The following ACOXL variants were observed in gnomAD, a reference collection of about 807,000 sequenced individuals.
ACOXL encodes the protein acyl-CoA oxidase like.
Under a neutral mutation model 71.9 loss-of-function variants are expected in ACOXL, and 70 were observed. That is an observed-to-expected ratio of 0.97 (90% CI 0.80 to 1.19). The LOEUF (loss-of-function observed/expected upper bound fraction) is 1.19, where lower values mean the gene tolerates loss of function less well. Among genes scored for constraint, ACOXL ranks in the 50% most tolerant of loss-of-function variants. The pLI, the probability that ACOXL is intolerant of heterozygous loss-of-function variation, is 0.00. For missense variants in ACOXL, 703 were observed against 736.3 expected (o/e 0.95, Z 0.52); for synonymous variants, 253 against 281.6 (o/e 0.90, Z 1.02).
intron 10 of ACOXL, among the ~76,000 whole-genome samples, chr2:110,851,915 G>A (rs913891314): frequency 4.6e-5 from 7 of 152,334 alleles, no homozygotes; most frequent in Admixed American, 2.0e-4. Context: ...GAACATAGCC[G>A]GGGTCACTCC....
intron 10 of ACOXL, among the ~76,000 whole-genome samples, chr2:110,892,908 T>C (rs1314219119): frequency 6.6e-6 from 1 of 152,192 alleles, no homozygotes; most frequent in Non-Finnish European, 1.5e-5. Context: ...TTCATAGATC[T>C]TTCTTGGATC....
chr2:110,737,636 A>G (rs775122687), intron 1 of ACOXL, among the ~76,000 whole-genome samples: 18 of 152,200 alleles, frequency 1.2e-4, no homozygotes, highest in Non-Finnish European at 2.2e-4. Context: ...AACAGAACAG[A>G]TACAACAGAT....
intron 11 of ACOXL, among the ~76,000 whole-genome samples, chr2:110,912,589 A>G (rs1473607256): frequency 6.6e-6 from 1 of 152,162 alleles, no homozygotes; most frequent in African/African-American, 2.4e-5. Context: ...TTGGACCCCT[A>G]TACAGCAGTT....
intron 17 of ACOXL, among the ~76,000 whole-genome samples, chr2:111,113,698 C>G (rs2150087441): frequency 6.6e-6 from 1 of 152,334 alleles, no homozygotes; most frequent in Non-Finnish European, 1.5e-5. Context: ...GCCAGAATGC[C>G]AGTTATGTGT....
intron 1 of ACOXL, among the ~76,000 whole-genome samples, chr2:110,739,647 C>T (rs1677271322): frequency 6.6e-6 from 1 of 152,232 alleles, no homozygotes; most frequent in Non-Finnish European, 1.5e-5. Context: ...GCCACCCTCT[C>T]CTAACAGTAA....
chr2:110,823,001 C>G (rs1374578720), intron 9 of ACOXL, among the ~76,000 whole-genome samples: 1 of 152,046 alleles, frequency 6.6e-6, no homozygotes, highest in South Asian at 2.1e-4. Flanking sequence ...ACCTGTACAC[C>G]CAGCACTTTG....
intron 10 of ACOXL, among the ~76,000 whole-genome samples, chr2:110,861,872 C>T (rs1257020101): frequency 1.3e-5 from 2 of 152,180 alleles, no homozygotes; most frequent in African/African-American, 4.8e-5. Flanking sequence ...GTCAAAGCCT[C>T]TGAACGGCTC....
intron 12 of ACOXL, among the ~76,000 whole-genome samples, chr2:110,964,039 A>T (rs1054490041): frequency 4.6e-5 from 7 of 152,244 alleles, no homozygotes; most frequent in Admixed American, 3.3e-4. Flanking sequence ...AAGAACGGCA[A>T]TGGATCAGCC....
chr2:110,960,697 G>GT (rs70958751), intron 12 of ACOXL, among the ~76,000 whole-genome samples: 2,832 of 142,956 alleles, frequency 0.02, 48 homozygotes, highest in African/African-American at 0.042. Flanking sequence ...AATTTTCTGG[G>GT]TTTTTTTTTT....
At chr2:110,735,780 G>A (rs1401705498) in intron 1 of ACOXL, among the ~76,000 whole-genome samples, 1 of 152,140 alleles carries the variant, frequency 6.6e-6, no homozygotes, top group Non-Finnish European at 1.5e-5. Context: ...GGTGACTGGC[G>A]GCTCCTCATT....
rs76753259 is a variant in ACOXL, at chr2:111,034,159, C to T, written c.1369+2445C>T. ...AACCCTCTCTGAGCTTCAGTTTCTT[C>T]CTCATTTATAAAATGTAGAGAGCAT... is the stretch of plus-strand genomic sequence containing the variant. On this transcript the variant is annotated intron_variant, in intron 15 of 17. Coordinates refer to ENST00000439055, the MANE Select transcript of ACOXL (RefSeq NM_001142807.4). 2.7e-3 allele frequency among the ~76,000 whole-genome samples: 409 copies of T among 152,270 alleles called. 1 individual carries two copies. The highest frequency in any genetic ancestry group is 0.017 in the Middle Eastern group (5 of 292).
chr2:110,890,995 A>T (rs1259188815), intron 10 of ACOXL, among the ~76,000 whole-genome samples: 2 of 152,038 alleles, frequency 1.3e-5, no homozygotes, highest in East Asian at 3.9e-4. Context: ...CAAGTGTTAT[A>T]TTTCTTTTGT....
At chr2:111,017,623 G>A (rs1424323451) in intron 14 of ACOXL, among the ~76,000 whole-genome samples, 3 of 152,286 alleles carry the variant, frequency 2.0e-5, no homozygotes, top group South Asian at 2.1e-4. Flanking sequence ...ATTCATCCCC[G>A]TCAACGCCTT....
At chr2:110,749,923 A>G (rs1266352651) in intron 1 of ACOXL, among the ~76,000 whole-genome samples, 2 of 152,052 alleles carry the variant, frequency 1.3e-5, no homozygotes, top group African/African-American at 4.8e-5. Context: ...TGTTTTGAAG[A>G]GTACTGGTCA....
intron 12 of ACOXL, among the ~76,000 whole-genome samples, chr2:110,978,886 T>C (rs1365021155): frequency 6.6e-6 from 1 of 152,126 alleles, no homozygotes; most frequent in African/African-American, 2.4e-5. Context: ...CAAGTTACTT[T>C]CTCTTTTCAG....
At chr2:110,823,034 C>A (rs1688797987) in intron 9 of ACOXL, among the ~76,000 whole-genome samples, 1 of 152,134 alleles carries the variant, frequency 6.6e-6, no homozygotes, top group South Asian at 2.1e-4. Flanking sequence ...AGGTGGATCA[C>A]CTGAGGTCAG....
intron 10 of ACOXL, 47 bp from the exon 11 acceptor site, chr2:110,908,742 C>T (rs1435501982): frequency 4.1e-6 from 6 of 1,470,726 alleles, no homozygotes; most frequent in East Asian, 2.3e-5. Context: ...GAAGTTACCT[C>T]CCGCTCCTGG....
At chr2:110,811,728 CAT>C (rs201733495) in intron 9 of ACOXL, among the ~76,000 whole-genome samples, 18 of 110,658 alleles carry the variant, frequency 1.6e-4, no homozygotes, top group African/African-American at 5.3e-4. Flanking sequence ...GTTTTTTTTG[CAT>C]ACACACACAC....
rs532745750 is a variant in ACOXL, at chr2:111,117,929, C to G, written c.*113C>G. Reference sequence around the variant, plus strand: ...CTGGCACCCGCTGGGCCGCCACTCTCGGGGATTTTGGTGGCAAAGCGGAGG... The same window carrying G: ...CTGGCACCCGCTGGGCCGCCACTCTGGGGGATTTTGGTGGCAAAGCGGAGG... On this transcript the variant is annotated 3_prime_UTR_variant, in exon 18 of 18. Transcript: ENST00000439055. The G allele has an allele frequency of 1.4e-5, 18 of 1,291,490 alleles. No homozygotes were observed. In the Admixed American group the frequency reaches 2.6e-4, roughly 19 times the overall value. The allele number at this position is 1,291,490 out of a possible 1,614,324, so 80.0% of individuals were successfully genotyped here.
Sources: gnomAD v4.1 joint callset for allele counts (sites outside exome capture counted in the v4.1 genomes callset) on GRCh38, gnomAD v4.1.1 for gene constraint, MANE v1.5 for transcripts, NCBI Gene and HGNC (gene_info 2026-07-23, HGNC 2026-07-21) for gene names.